Variants in GDF11 observed in about 807,000 individuals in gnomAD.
GDF11 encodes the protein growth differentiation factor 11.
In GDF11, 12 loss-of-function variants were observed where a neutral mutation model predicts 34.4. The ratio of observed to expected loss-of-function variants is 0.35; its 90% CI spans 0.22 to 0.57. The LOEUF (loss-of-function observed/expected upper bound fraction) is 0.57. GDF11 is among the 20% of genes least tolerant of loss of function. The pLI is 0.86. For synonymous variants in GDF11, 212 were observed against 231.1 expected (o/e 0.92, Z 0.75); for missense variants, 346 against 548.2 (o/e 0.63, Z 3.68).
At chr12:55,744,741 T>A (rs958121800) in intron 1 of GDF11, among the ~76,000 whole-genome samples, 1 of 149,710 alleles carries the variant, frequency 6.7e-6, no homozygotes, top group Admixed American at 6.6e-5. Context: ...GCCTCTCTTA[T>A]TCCCTAGTGG....
rs1215254507 is a variant in GDF11 at position 55,749,423 on chromosome 12, CT to C, written c.844-78del. On this transcript the variant is annotated intron_variant, in intron 2 of 2. Transcript: ENST00000257868. The surrounding 1 kb of genome is among the most constrained non-coding windows in gnomAD (Gnocchi z 5.6). ...GTCAGCAGTCTCTATTCTGATGCCC[CT>C]GGCAGGTGGGAAAGGAACAGGGAAG... is the stretch of plus-strand genomic sequence containing the variant. 28 of 1,442,468 alleles carry C rather than the reference CT, an allele frequency of 1.9e-5. No homozygotes were observed. The highest frequency in any genetic ancestry group is 2.6e-5 in the Non-Finnish European group (28 of 1,068,170). The allele number at this position is 1,442,468 out of a possible 1,614,324, so 89.4% of individuals were successfully genotyped here.
chr12:55,749,536 C>G lies in GDF11; in HGVS notation c.878C>G (p.Thr293Arg), dbSNP rs752832892. 4 of 1,613,208 alleles carry G rather than the reference C, an allele frequency of 2.5e-6. No homozygotes were observed. Among genetic ancestry groups the G allele is most frequent in the Non-Finnish European group, 3.4e-6 (4 of 1,179,334 alleles). The change falls in exon 3 of 3, where the codon ACA becomes AGA. Residue 293 changes from threonine to arginine, a missense_variant. Thr to Arg is a moderately conservative substitution (Grantham distance 71, BLOSUM62 -1). Transcript: ENST00000257868. The surrounding 1 kb of genome is among the most constrained non-coding windows in gnomAD (Gnocchi z 5.6). ...PFMELRVLEN[T>R]KRSRRNLGLD... ...ATGGAGCTTCGAGTCCTAGAGAACA[C>G]AAAACGTTCCCGGCGGAACCTGGGT...
Position 55,747,097 on chromosome 12 carries a change from T to C in GDF11, c.446-1489T>C, listed in dbSNP as rs1236118552. ...GCAAGAAAATAGACAATTCTTATGC[T>C]GAAATTTGTAAAGTATGCTATTTGG... is the stretch of plus-strand genomic sequence containing the variant. On this transcript the variant is annotated intron_variant, in intron 1 of 2. Transcript: ENST00000257868. Among the ~76,000 whole-genome samples the C allele has an allele frequency of 2.0e-5, 3 of 152,166 alleles. No homozygotes were observed. The East Asian group carries it at 5.8e-4, about 29-fold the overall frequency.
intron 1 of GDF11, among the ~76,000 whole-genome samples, chr12:55,743,978 C>G (rs1390771037): frequency 2.0e-5 from 3 of 151,936 alleles, no homozygotes; most frequent in Admixed American, 6.6e-5. Context: ...GAGGTTGGGG[C>G]GGGGGAAATG....
chr12:55,744,096 TG>T (rs1878127823), intron 1 of GDF11, among the ~76,000 whole-genome samples: 1 of 152,004 alleles, frequency 6.6e-6, no homozygotes, highest in Non-Finnish European at 1.5e-5. Flanking sequence ...AAAGCCGTGG[TG>T]GGGAGGCTGG....
chr12:55,750,971 T>C lies in GDF11; in HGVS notation c.*1089T>C, dbSNP rs1878300608. ...ATCTTCAGGTCAATTAGAGAGAGTA[T>C]AGAGACCCCAGAGTCCCCTGGGTCT... is the stretch of plus-strand genomic sequence containing the variant. On this transcript the variant is annotated 3_prime_UTR_variant, in exon 3 of 3. Coordinates refer to ENST00000257868, the MANE Select transcript of GDF11 (RefSeq NM_005811.5). 6.6e-6 allele frequency: 1 copy of C among 152,038 alleles called. No individual in the cohort carries two copies. The highest frequency in any genetic ancestry group is 2.4e-5 in the African/African-American group (1 of 41,366). The allele number at this position is 152,038 out of a possible 1,614,324, so 9.4% of individuals were successfully genotyped here.
rs1436417612 is a variant in GDF11 at position 55,743,526 on chromosome 12, C to T, written c.210C>T (p.His70=). The T allele has an allele frequency of 1.3e-6, 2 of 1,598,378 alleles. No homozygotes were observed. The highest frequency in any genetic ancestry group is 1.3e-5 in the African/African-American group (1 of 74,740). ...DGCPVCVWRQ[H]SRELRLESIK... ...GCCCCGTGTGCGTTTGGCGGCAGCA[C>T]AGCCGCGAGCTGCGCCTAGAGAGCA... Residue 70 remains histidine (H), a synonymous_variant, in exon 1 of 3, where the codon CAC becomes CAT. Coordinates refer to ENST00000257868, the MANE Select transcript of GDF11 (RefSeq NM_005811.5).
Position 55,748,709 on chromosome 12 carries a change from C to A in GDF11, c.569C>A (p.Pro190Gln), listed in dbSNP as rs1277700437. ...LWVYLRPVPRPATVYLQILRL... is the reference protein window; with the variant it reads ...LWVYLRPVPRQATVYLQILRL... Reference sequence around the variant, plus strand: ...GTGTACCTACGGCCTGTACCCCGCCCAGCCACAGTCTACCTGCAGATCTTG... The same window carrying A: ...GTGTACCTACGGCCTGTACCCCGCCAAGCCACAGTCTACCTGCAGATCTTG... The change falls in exon 2 of 3, where the codon CCA (proline) becomes CAA (glutamine). Residue 190 changes from proline to glutamine, a missense_variant. Physicochemically the swap from Pro to Gln is moderately conservative, Grantham distance 76 (BLOSUM62 -1). Transcript: ENST00000257868. The surrounding 1 kb of genome is among the most constrained non-coding windows in gnomAD (Gnocchi z 5.6). 1 of 1,614,276 alleles carries A rather than the reference C, an allele frequency of 6.2e-7. No individual in the cohort carries two copies. Among genetic ancestry groups the A allele is most frequent in the Non-Finnish European group, 8.5e-7 (1 of 1,180,052 alleles).
In GDF11 at chr12:55,743,271, A is replaced by G; in HGVS notation, c.-46A>G. 2 of 444,860 alleles carry G rather than the reference A, an allele frequency of 4.5e-6. No homozygotes were observed. The highest frequency in any genetic ancestry group is 5.8e-6 in the Non-Finnish European group (2 of 344,892). The allele number at this position is 444,860 out of a possible 1,614,324, so 27.6% of individuals were successfully genotyped here. A position where few individuals can be genotyped will look rare whatever the true frequency, so the allele number is the denominator to read the frequency against. ...CCTCCCTCCGCCCCCTCCCCGCGGG[A>G]CTCCGGCGTCCCCGCCCCCCAGTCC... On this transcript the variant is annotated 5_prime_UTR_variant, in exon 1 of 3. Coordinates refer to ENST00000257868, the MANE Select transcript of GDF11 (RefSeq NM_005811.5).
chr12:55,746,854 C>T (rs1414776646), intron 1 of GDF11, among the ~76,000 whole-genome samples: 2 of 152,166 alleles, frequency 1.3e-5, no homozygotes, highest in Non-Finnish European at 2.9e-5. Context: ...TGATTAAACC[C>T]ACTTCAATTA....
Position 55,749,762 on chromosome 12 carries a change from T to G in GDF11, c.1104T>G (p.Ala368=). ...AGCAGGCCAATCCAAGAGGCTCTGC[T>G]GGGCCCTGTTGTACCCCCACCAAGA... ...LVQQANPRGS[A]GPCCTPTKMS... Residue 368 remains alanine, a synonymous_variant, in exon 3 of 3, where the codon GCT becomes GCG. Coordinates refer to ENST00000257868, the MANE Select transcript of GDF11 (RefSeq NM_005811.5). The surrounding 1 kb of genome is among the most constrained non-coding windows in gnomAD (Gnocchi z 5.6). 6.2e-7 allele frequency: 1 copy of G among 1,614,154 alleles called. No individual in the cohort carries two copies.
Position 55,750,117 on chromosome 12 carries a change from G to T in GDF11, c.*235G>T, listed in dbSNP as rs973146250. ...TGGGGAGTGTTTGAAGTTTGCAGAT[G>T]AGAAGGTTTGACAAAAAGACAGAGA... On this transcript the variant is annotated 3_prime_UTR_variant, in exon 3 of 3. Coordinates refer to ENST00000257868, the MANE Select transcript of GDF11 (RefSeq NM_005811.5). 4.9e-5 allele frequency: 26 copies of T among 529,430 alleles called. No homozygotes were observed. The highest frequency in any genetic ancestry group is 4.4e-5 in the Non-Finnish European group (13 of 296,476). 32.8% of individuals were successfully genotyped at this position (529,430 alleles called of 1,614,324 possible). A position where few individuals can be genotyped will look rare whatever the true frequency, so the allele number is the denominator to read the frequency against.
intron 1 of GDF11, among the ~76,000 whole-genome samples, chr12:55,744,508 G>A (rs1878138088): frequency 6.6e-6 from 1 of 152,028 alleles, no homozygotes; most frequent in Admixed American, 6.5e-5. Flanking sequence ...GAAGACCTAG[G>A]AAAAAAGAGA....
rs1878274837 is a variant in GDF11 at position 55,750,107 on chromosome 12, G to GT, written c.*228dup. On this transcript the variant is annotated 3_prime_UTR_variant, in exon 3 of 3. Transcript: ENST00000257868. Reference sequence around the variant, plus strand: ...ATAGTCAGGGTGGGGAGTGTTTGAAGTTTGCAGATGAGAAGGTTTGACAAA... The same window carrying GT: ...ATAGTCAGGGTGGGGAGTGTTTGAAGTTTTGCAGATGAGAAGGTTTGACAAA... 1.8e-6 allele frequency: 1 copy of GT among 543,260 alleles called. No homozygotes were observed. The highest frequency in any genetic ancestry group is 2.7e-5 in the South Asian group (1 of 37,100). The allele number at this position is 543,260 out of a possible 1,614,324, so 33.7% of individuals were successfully genotyped here.
intron 1 of GDF11, among the ~76,000 whole-genome samples, chr12:55,747,786 G>GA (rs1476478369): frequency 2.6e-5 from 4 of 152,062 alleles, no homozygotes; most frequent in African/African-American, 9.7e-5. Flanking sequence ...GCTCAGGGGA[G>GA]AAAAAAGGCA....
rs1489899712 is a variant in GDF11, at chr12:55,749,528, A to G, written c.870A>G (p.Leu290=). 3.7e-6 allele frequency: 6 copies of G among 1,612,354 alleles called. No homozygotes were observed. Among genetic ancestry groups the G allele is most frequent in the Non-Finnish European group, 4.2e-6 (5 of 1,178,742 alleles). ...ATCCATTCATGGAGCTTCGAGTCCT[A>G]GAGAACACAAAACGTTCCCGGCGGA... ...GLHPFMELRV[L]ENTKRSRRNL... The change falls in exon 3 of 3, where the codon CTA becomes CTG. Residue 290 remains leucine (L), a synonymous_variant. Coordinates refer to ENST00000257868, the MANE Select transcript of GDF11 (RefSeq NM_005811.5). This position sits in a 1 kb window ranked among gnomAD's most constrained non-coding sequence, Gnocchi z 5.6.
chr12:55,753,526 T>C lies in GDF11; in HGVS notation c.*3644T>C, dbSNP rs1878399916. Reference sequence around the variant, plus strand: ...GGCTTACATCTGTAATCCCAGCACTTTGGGGGGCCGAGGCGGGCGGATCAT... The same window carrying C: ...GGCTTACATCTGTAATCCCAGCACTCTGGGGGGCCGAGGCGGGCGGATCAT... On this transcript the variant is annotated 3_prime_UTR_variant, in exon 3 of 3. Coordinates refer to ENST00000257868, the MANE Select transcript of GDF11 (RefSeq NM_005811.5). 1 of 151,968 alleles carries C rather than the reference T, an allele frequency of 6.6e-6. No homozygotes were observed. The highest frequency in any genetic ancestry group is 1.5e-5 in the Non-Finnish European group (1 of 67,982). 9.4% of individuals were successfully genotyped at this position (151,968 alleles called of 1,614,324 possible).
rs902414628 is a variant in GDF11, at chr12:55,756,401, A to G, written c.*6519A>G. ...ACCAACCAGAGACTTTGGAGAAATA[A>G]AGAGATATCTTGACATTAGAAAGGT... On this transcript the variant is annotated 3_prime_UTR_variant, in exon 3 of 3. Coordinates refer to ENST00000257868, the MANE Select transcript of GDF11 (RefSeq NM_005811.5). The G allele has an allele frequency of 6.6e-6, 1 of 152,184 alleles. No homozygotes were observed. The highest frequency in any genetic ancestry group is 1.5e-5 in the Non-Finnish European group (1 of 68,040). The allele number at this position is 152,184 out of a possible 1,614,324, so 9.4% of individuals were successfully genotyped here. A position where few individuals can be genotyped will look rare whatever the true frequency, so the allele number is the denominator to read the frequency against.
At chr12:55,744,415 C>CTA (rs1277690715) in intron 1 of GDF11, among the ~76,000 whole-genome samples, 1 of 152,176 alleles carries the variant, frequency 6.6e-6, no homozygotes, top group East Asian at 1.9e-4. Context: ...GCGCTGGGGG[C>CTA]TAAGGACACT....
Sources: allele counts gnomAD v4.1 joint callset (sites outside exome capture counted in the v4.1 genomes callset), GRCh38; gene constraint gnomAD v4.1.1; non-coding constraint Gnocchi (gnomAD v3.1); transcripts MANE v1.5; gene names NCBI Gene and HGNC (gene_info 2026-07-23, HGNC 2026-07-21).